ROBO2: variants seen among roughly 807,000 people sequenced by gnomAD.
The protein encoded by ROBO2 is roundabout guidance receptor 2.
A neutral mutation model predicts 160.8 loss-of-function variants in ROBO2; 53 were observed. The ratio of observed to expected loss-of-function variants is 0.33; its 90% CI spans 0.26 to 0.41. The LOEUF (loss-of-function observed/expected upper bound fraction) is 0.41, where lower values mean the gene tolerates loss of function less well. Among genes scored for constraint, ROBO2 ranks in the 10% least tolerant of loss-of-function variants. The probability of loss-of-function intolerance (pLI) is 1.00; values close to 1 mark genes in which losing one functional copy is unlikely to be tolerated. For synonymous variants in ROBO2, 664 were observed against 611.7 expected, an observed-to-expected ratio of 1.09 and a Z score of -1.26; for missense variants, 1,577 against 1,722.4, an observed-to-expected ratio of 0.92 and a Z score of 1.49.
At chr3:76,895,785 G>T (rs1230988466) in intron 2 of ROBO2, among the ~76,000 whole-genome samples, 2 of 152,114 alleles carry the variant, frequency 1.3e-5, no homozygotes, top group Admixed American at 6.6e-5. Flanking sequence ...CTCGAATTAG[G>T]TTACTCTTTT....
intron 6 of ROBO2, among the ~76,000 whole-genome samples, chr3:77,537,967 G>T (rs1276696839): frequency 6.6e-6 from 1 of 152,026 alleles, no homozygotes; most frequent in Non-Finnish European, 1.5e-5. Context: ...GATGAGATTT[G>T]GGTGGGGACA....
intron 2 of ROBO2, among the ~76,000 whole-genome samples, chr3:77,473,621 T>A (rs2083627190): frequency 6.6e-6 from 1 of 151,468 alleles, no homozygotes; most frequent in Admixed American, 6.6e-5. Context: ...GCCAGGCTAA[T>A]TTTTTTTGGT....
intron 6 of ROBO2, among the ~76,000 whole-genome samples, chr3:77,544,493 T>C (rs1341948512): frequency 6.6e-6 from 1 of 152,112 alleles, no homozygotes; most frequent in Non-Finnish European, 1.5e-5. Context: ...TGCGTTGAAC[T>C]AGGAGGCGGT....
intron 2 of ROBO2, among the ~76,000 whole-genome samples, chr3:76,443,317 C>T (rs1408379591): frequency 6.6e-6 from 1 of 151,914 alleles, no homozygotes; most frequent in Admixed American, 6.6e-5. Flanking sequence ...TTGGAGGGGG[C>T]GAAAATCCAA....
At chr3:77,371,630 G>T (rs1383248141) in intron 2 of ROBO2, among the ~76,000 whole-genome samples, 4 of 152,204 alleles carry the variant, frequency 2.6e-5, no homozygotes, top group African/African-American at 9.6e-5. Context: ...AGAAGAAAGT[G>T]ATTCAGAAGT....
chr3:75,931,330 G>A (rs1947524016), intron 1 of ROBO2, among the ~76,000 whole-genome samples: 1 of 152,136 alleles, frequency 6.6e-6, no homozygotes, highest in Non-Finnish European at 1.5e-5. Flanking sequence ...GTTAGAATCT[G>A]TATAATCCAA....
chr3:76,081,135 G>GT (rs911586323), intron 2 of ROBO2, among the ~76,000 whole-genome samples: 43 of 147,860 alleles, frequency 2.9e-4, no homozygotes, highest in South Asian at 6.3e-4. Flanking sequence ...GTGTTTTATA[G>GT]TTTTTTTTTA....
At chr3:77,038,697 C>G (rs941404078), upstream of ROBO2, among the ~76,000 whole-genome samples, 3 of 152,216 alleles carry the variant, frequency 2.0e-5, no homozygotes, top group African/African-American at 7.2e-5. Context: ...TGTGATCACA[C>G]GTGGGCCCGG....
chr3:77,000,528 T>C (rs1378628417), intron 2 of ROBO2, among the ~76,000 whole-genome samples: 3 of 152,172 alleles, frequency 2.0e-5, no homozygotes, highest in African/African-American at 7.2e-5. Flanking sequence ...TCAATATTTA[T>C]GTTTACAAAC....
intron 2 of ROBO2, among the ~76,000 whole-genome samples, chr3:76,858,183 T>G (rs2070345740): frequency 6.6e-6 from 1 of 152,164 alleles, no homozygotes; most frequent in Non-Finnish European, 1.5e-5. Flanking sequence ...TGCCTCCCAG[T>G]AAGTTGCAAG....
chr3:76,208,906 C>T (rs1702972695), intron 2 of ROBO2, among the ~76,000 whole-genome samples: 1 of 152,096 alleles, frequency 6.6e-6, no homozygotes, highest in African/African-American at 2.4e-5. Context: ...TGTCTGGCTC[C>T]TTTGGTTTCT....
chr3:76,873,579 C>CGTT (rs1458260305), intron 2 of ROBO2, among the ~76,000 whole-genome samples: 2 of 152,084 alleles, frequency 1.3e-5, no homozygotes, highest in African/African-American at 4.8e-5. Flanking sequence ...TAGTAGTCGT[C>CGTT]GTCGTCGTCG....
intron 13 of ROBO2, 134 bp from the exon 15 acceptor site, chr3:77,574,365 T>C (rs933992268): frequency 2.7e-6 from 2 of 735,426 alleles, no homozygotes; most frequent in African/African-American, 3.5e-5. Context: ...GCAGAGAGAT[T>C]AGCTAGAAAG....
chr3:76,943,015 A>T (rs192135538), intron 2 of ROBO2, among the ~76,000 whole-genome samples: 2 of 152,368 alleles, frequency 1.3e-5, no homozygotes, highest in African/African-American at 4.8e-5. Context: ...AATATTGTGT[A>T]GAGAAATAGA....
exon 18 of ROBO2, chr3:77,595,175 G>A: frequency 6.2e-7 from 1 of 1,610,802 alleles, no homozygotes; most frequent in South Asian, 1.1e-5. Context: ...GGACTAATGA[G>A]CAATGGAAGG....
At chr3:76,951,570 T>A (rs2078956572) in intron 2 of ROBO2, among the ~76,000 whole-genome samples, 1 of 152,232 alleles carries the variant, frequency 6.6e-6, no homozygotes, top group Admixed American at 6.5e-5. Context: ...AAGAAATATA[T>A]TTTTAACTTC....
At chr3:77,582,251 G>C (rs1391397482) in intron 16 of ROBO2, among the ~76,000 whole-genome samples, 1 of 152,102 alleles carries the variant, frequency 6.6e-6, no homozygotes, top group Non-Finnish European at 1.5e-5. Context: ...ACAGGCACAT[G>C]CCACCACACC....
chr3:77,187,729 T>A (rs2081406004), intron 2 of ROBO2, among the ~76,000 whole-genome samples: 1 of 151,926 alleles, frequency 6.6e-6, no homozygotes, highest in Non-Finnish European at 1.5e-5. Flanking sequence ...AGCTCTGTAA[T>A]TATTTTCAGT....
rs181609687 is a variant in ROBO2 at position 77,521,466 on chromosome 3, C to T, written c.807-1309C>T. Among the ~76,000 whole-genome samples the T allele has an allele frequency of 4.2e-3, 632 of 151,132 alleles. 2 individuals are homozygous for T. The highest frequency in any genetic ancestry group is 0.011 in the Admixed American group (164 of 15,116). On this transcript the variant is annotated intron_variant, in intron 5 of 25. Transcript: ENST00000461745. ...ATAAGTTTTCAAAAAGGCAGTAATT[C>T]GATTTTTATAGTATGGTAATGGATG...
Sources: gnomAD v4.1 joint callset for allele counts (sites outside exome capture counted in the v4.1 genomes callset) on GRCh38, gnomAD v4.1.1 for gene constraint, MANE v1.5 for transcripts, NCBI Gene and HGNC (gene_info 2026-07-23, HGNC 2026-07-21) for gene names.